CDK14: variants seen among roughly 807,000 people sequenced by gnomAD.
CDK14 encodes the protein cyclin dependent kinase 14.
CDK14 carries 34 observed loss-of-function variants against 60.7 expected under a neutral mutation model. The observed-to-expected ratio is 0.56, with a 90% CI of 0.43 to 0.75. The LOEUF (loss-of-function observed/expected upper bound fraction) is 0.75, where lower values mean the gene tolerates loss of function less well. CDK14 is among the 30% of genes least tolerant of loss of function. CDK14 has a pLI of 0.00. For missense variants in CDK14, 482 were observed against 564.1 expected (o/e 0.85, Z 1.47); for synonymous variants, 197 against 203.7 (o/e 0.97, Z 0.28).
At chr7:90,599,742 T>G (rs550519881) in intron 1 of CDK14, among the ~76,000 whole-genome samples, 1 of 152,376 alleles carries the variant, frequency 6.6e-6, no homozygotes, top group African/African-American at 2.4e-5. Flanking sequence ...GCTTTTGAAA[T>G]AGACATGCTG....
At chr7:90,683,741 C>A (rs2116567234) in intron 2 of CDK14, among the ~76,000 whole-genome samples, 1 of 152,274 alleles carries the variant, frequency 6.6e-6, no homozygotes, top group East Asian at 1.9e-4. Context: ...GCAGAGGTTG[C>A]AGTGAGTCGA....
chr7:90,621,663 T>TCCTTCCTTCCTTCCTGCCTTCCTG (rs1563018781), intron 2 of CDK14, among the ~76,000 whole-genome samples: 5 of 112,702 alleles, frequency 4.4e-5, no homozygotes, highest in South Asian at 3.3e-4. Context: ...CTTCCTTCCT[T>TCCTTCCTTCCTTCCTGCCTTCCTG]CCTTCCTGCC....
intron 5 of CDK14, among the ~76,000 whole-genome samples, chr7:90,800,884 A>G (rs13235734): frequency 0.029 from 4,454 of 152,182 alleles, 82 homozygotes; most frequent in South Asian, 0.046. Flanking sequence ...GCTTCCTACA[A>G]TCTTTGGTGT....
chr7:90,919,987 A>G (rs1793199466), intron 8 of CDK14, among the ~76,000 whole-genome samples: 1 of 152,260 alleles, frequency 6.6e-6, no homozygotes, highest in Admixed American at 6.5e-5. Flanking sequence ...TGGAACACGC[A>G]GTTGGCATGC....
intron 14 of CDK14, among the ~76,000 whole-genome samples, chr7:91,191,147 A>G (rs1802348906): frequency 6.6e-6 from 1 of 152,128 alleles, no homozygotes; most frequent in Non-Finnish European, 1.5e-5. Flanking sequence ...TATGGCTTCT[A>G]GTGTCTGGTC....
chr7:91,005,448 G>A (rs1795958711), intron 10 of CDK14, among the ~76,000 whole-genome samples: 1 of 152,240 alleles, frequency 6.6e-6, no homozygotes, highest in Non-Finnish European at 1.5e-5. Flanking sequence ...GAGTGGAACA[G>A]CATTACACGT....
chr7:90,686,307 C>G (rs529154964), intron 2 of CDK14, among the ~76,000 whole-genome samples: 1 of 152,164 alleles, frequency 6.6e-6, no homozygotes, highest in African/African-American at 2.4e-5. Context: ...AAATATTTAG[C>G]CTTCTTTTTC....
In CDK14 at chr7:91,129,108, A is replaced by G. The variant is rs139890790; in HGVS notation, c.*28+10900A>G. Among the ~76,000 whole-genome samples the G allele has an allele frequency of 4.7e-4, 71 of 152,318 alleles. 1 individual carries two copies. Among genetic ancestry groups the G allele is most frequent in the African/African-American group, 1.7e-3 (69 of 41,586 alleles). ...CAGCAGATCTCAAAGTGTGGTCCAT[A>G]TACCATGTGGATCCCCAGGGGCTTC... On this transcript the variant is annotated intron_variant, in intron 14 of 14. Coordinates refer to ENST00000380050, the MANE Select transcript of CDK14 (RefSeq NM_001287135.2).
rs184294096 is a variant in CDK14, at chr7:91,165,122, G to A, written c.*29-42043G>A. On this transcript the variant is annotated intron_variant, in intron 14 of 14. Transcript: ENST00000380050. ...TCATACAGTCACAACAAAAACCCAC[G>A]CTCTAATAGTACATTGCAACCAACC... is the stretch of plus-strand genomic sequence containing the variant. Among the ~76,000 whole-genome samples, 220 of 152,260 alleles carry A rather than the reference G, an allele frequency of 1.4e-3. 1 individual carries two copies. Among genetic ancestry groups the A allele is most frequent in the African/African-American group, 5.2e-3 (216 of 41,554 alleles).
At chr7:90,995,183 A>C (rs1334621315) in intron 10 of CDK14, among the ~76,000 whole-genome samples, 1 of 152,184 alleles carries the variant, frequency 6.6e-6, no homozygotes, top group African/African-American at 2.4e-5. Context: ...CTTCTTGCTC[A>C]CTTTGTCTTC....
intron 3 of CDK14, among the ~76,000 whole-genome samples, chr7:90,727,241 G>T (rs1584827184): frequency 6.6e-6 from 1 of 151,842 alleles, no homozygotes; most frequent in East Asian, 1.9e-4. Context: ...TTTTTGGGGG[G>T]GTACTCCACC....
chr7:90,989,239 G>A (rs1184878024), intron 10 of CDK14, among the ~76,000 whole-genome samples: 1 of 152,144 alleles, frequency 6.6e-6, no homozygotes, highest in Non-Finnish European at 1.5e-5. Flanking sequence ...GGTTAGGGAA[G>A]CCTTGTAGAA....
At chr7:91,151,502 A>T (rs748121579) in intron 14 of CDK14, among the ~76,000 whole-genome samples, 1 of 152,304 alleles carries the variant, frequency 6.6e-6, no homozygotes, top group Non-Finnish European at 1.5e-5. Flanking sequence ...CAGAGTTATG[A>T]TGGGGTTTCA....
intron 12 of CDK14, among the ~76,000 whole-genome samples, chr7:91,105,902 G>T (rs1418573755): frequency 6.6e-6 from 1 of 152,120 alleles, no homozygotes; most frequent in Non-Finnish European, 1.5e-5. Context: ...AATGAACAGG[G>T]AAAATAGCAT....
At chr7:90,653,974 A>G (rs1219327416) in intron 2 of CDK14, among the ~76,000 whole-genome samples, 2 of 152,316 alleles carry the variant, frequency 1.3e-5, no homozygotes, top group South Asian at 4.1e-4. Flanking sequence ...CACTTCATCC[A>G]TGTCCCTACA....
At chr7:90,823,668 TAGTC>T (rs1386236805) in intron 5 of CDK14, among the ~76,000 whole-genome samples, 1 of 152,198 alleles carries the variant, frequency 6.6e-6, no homozygotes, top group Non-Finnish European at 1.5e-5. Context: ...CATCGGCACT[TAGTC>T]AGTGTGTGAA....
chr7:91,012,427 G>A (rs147097959), intron 10 of CDK14, among the ~76,000 whole-genome samples: 1 of 152,158 alleles, frequency 6.6e-6, no homozygotes, highest in Admixed American at 6.6e-5. Context: ...TCTTGGTACA[G>A]ATTTCTCCTC....
chr7:90,726,620 C>G lies in CDK14; in HGVS notation c.177C>G (p.Ile59Met). ...ACTGCCAGGGAATGGACTCAGTGATCAAACCCCTGGACACAATTCCTGAGG... is the reference window on the plus strand; with the variant it reads ...ACTGCCAGGGAATGGACTCAGTGATGAAACCCCTGGACACAATTCCTGAGG... ...TRNCQGMDSV[I>M]KPLDTIPEDK... is the part of the protein sequence containing the mutation. Residue 59 changes from isoleucine (I) to methionine (M), a missense_variant, in exon 3 of 15, where the codon ATC (isoleucine) becomes ATG (methionine). Coordinates refer to ENST00000380050, the MANE Select transcript of CDK14 (RefSeq NM_001287135.2). 1 of 1,613,674 alleles carries G rather than the reference C, an allele frequency of 6.2e-7. No individual in the cohort carries two copies. The highest frequency in any genetic ancestry group is 8.5e-7 in the Non-Finnish European group (1 of 1,179,698).
intron 11 of CDK14, among the ~76,000 whole-genome samples, chr7:91,060,053 G>A (rs140659313): frequency 0.06 from 9,069 of 151,678 alleles, 395 homozygotes; most frequent in Middle Eastern, 0.16. Context: ...TGTCTTTGTA[G>A]GTCCTAAGGA....
Sources: allele counts gnomAD v4.1 joint callset (sites outside exome capture counted in the v4.1 genomes callset), GRCh38; gene constraint gnomAD v4.1.1; transcripts MANE v1.5; gene names NCBI Gene and HGNC (gene_info 2026-07-23, HGNC 2026-07-21).